SLC36A3: variants seen among roughly 807,000 people sequenced by gnomAD.
The protein encoded by SLC36A3 is proton-coupled amino acid transporter 3.
In SLC36A3, 35 loss-of-function variants were observed where a neutral mutation model predicts 44.3. That is an observed-to-expected ratio of 0.79 (90% CI 0.60 to 1.05). The LOEUF is 1.05. Ranked by LOEUF, SLC36A3 falls within the 50% of genes least tolerant of loss-of-function variation. SLC36A3 has a pLI of 0.00. For missense variants in SLC36A3, 540 were observed against 578.7 expected, an observed-to-expected ratio of 0.93 and a Z score of 0.69; for synonymous variants, 211 against 227.6, an observed-to-expected ratio of 0.93 and a Z score of 0.66.
intron 4 of SLC36A3, among the ~76,000 whole-genome samples, chr5:151,290,568 C>T (rs1754719800): frequency 6.6e-6 from 1 of 152,214 alleles, no homozygotes; most frequent in Non-Finnish European, 1.5e-5. Flanking sequence ...GTATTTGTAG[C>T]AAACCAGAGA....
chr5:151,282,193 T>G (rs1043917447), intron 8 of SLC36A3, among the ~76,000 whole-genome samples: 18 of 147,542 alleles, frequency 1.2e-4, no homozygotes, highest in Non-Finnish European at 2.4e-4. Context: ...TGATCTCACT[T>G]GATCTTAGCC....
intron 8 of SLC36A3, among the ~76,000 whole-genome samples, chr5:151,283,752 A>T (rs10045696): frequency 6.6e-6 from 1 of 152,074 alleles, no homozygotes; most frequent in African/African-American, 2.4e-5. Flanking sequence ...AGCATTATCT[A>T]TGTATTAATC....
At chr5:151,284,359 AT>A in intron 7 of SLC36A3, 149 bp from the exon 8 acceptor site, 1 of 800,292 alleles carries the variant, frequency 1.2e-6, no homozygotes, top group Non-Finnish European at 2.0e-6. Flanking sequence ...CACTCCTTTC[AT>A]TTTCTCTCAT....
chr5:151,285,852 C>T (rs577276526), intron 6 of SLC36A3, among the ~76,000 whole-genome samples: 109 of 152,284 alleles, frequency 7.2e-4, no homozygotes, highest in African/African-American at 2.5e-3. Flanking sequence ...ACACAGACAG[C>T]CTCTACAAAG....
intron 1 of SLC36A3, among the ~76,000 whole-genome samples, chr5:151,299,372 G>GATAT (rs3051898): frequency 0.014 from 1,860 of 136,530 alleles, 33 homozygotes; most frequent in African/African-American, 0.046. Flanking sequence ...TGAGCATGGT[G>GATAT]ATATATATAT....
intron 3 of SLC36A3, among the ~76,000 whole-genome samples, chr5:151,294,778 C>T (rs1344413221): frequency 6.6e-6 from 1 of 151,928 alleles, no homozygotes; most frequent in Non-Finnish European, 1.5e-5. Flanking sequence ...TACAGGCATG[C>T]ACCACCACGC....
chr5:151,292,334 G>A (rs1212531134), intron 4 of SLC36A3, among the ~76,000 whole-genome samples: 1 of 152,196 alleles, frequency 6.6e-6, no homozygotes, highest in Non-Finnish European at 1.5e-5. Context: ...TCCCAAGAGA[G>A]GAGCTGCAAA....
intron 1 of SLC36A3, among the ~76,000 whole-genome samples, chr5:151,300,438 G>C (rs534543529): frequency 1.3e-5 from 2 of 152,314 alleles, no homozygotes; most frequent in Non-Finnish European, 2.9e-5. Context: ...GGCACCCATT[G>C]TCCCTTTACT....
At chr5:151,302,467 A>G (rs546989245) in intron 1 of SLC36A3, among the ~76,000 whole-genome samples, 223 of 151,992 alleles carry the variant, frequency 1.5e-3, no homozygotes, top group Non-Finnish European at 1.8e-3. Context: ...AAACTAACAA[A>G]GGAACAGAAA....
At chr5:151,296,774 C>A (rs769843921) in intron 2 of SLC36A3, 7 of 157,776 alleles carry the variant, frequency 4.4e-5, no homozygotes, top group Non-Finnish European at 8.3e-5. Flanking sequence ...GAGCCTCTAC[C>A]CACTAGGTGT....
At chr5:151,295,039 A>G (rs964775545) in intron 3 of SLC36A3, among the ~76,000 whole-genome samples, 1 of 151,100 alleles carries the variant, frequency 6.6e-6, no homozygotes, top group Non-Finnish European at 1.5e-5. Context: ...CCTCTATATT[A>G]GAAAAAATAA....
At chr5:151,293,137 G>A (rs1754820171) in intron 4 of SLC36A3, among the ~76,000 whole-genome samples, 1 of 152,120 alleles carries the variant, frequency 6.6e-6, no homozygotes, top group Non-Finnish European at 1.5e-5. Context: ...CACATATATT[G>A]ATGTACATGT....
chr5:151,289,572 C>G (rs1016581092), intron 4 of SLC36A3, among the ~76,000 whole-genome samples: 8 of 151,616 alleles, frequency 5.3e-5, no homozygotes, highest in African/African-American at 1.9e-4. Flanking sequence ...AAGTTATTAT[C>G]TGTTAGAGCT....
intron 6 of SLC36A3, 63 bp from the exon 7 acceptor site, chr5:151,284,774 G>A (rs1271083437): frequency 1.5e-6 from 2 of 1,338,032 alleles, no homozygotes; most frequent in South Asian, 1.4e-5. Context: ...CCAAATCTTT[G>A]CCTGGTAGAA....
In SLC36A3 at chr5:151,300,815, C is replaced by T. The variant is rs190293653; in HGVS notation, c.129-2132G>A. On this transcript the variant is annotated intron_variant, in intron 1 of 9. Coordinates refer to ENST00000335230, the MANE Select transcript of SLC36A3 (RefSeq NM_181774.4). ...ATCCCACCAATGGAAAATAACCACA[C>T]ATTATAATTAGCCCTCCTCTGGGCA... is the stretch of plus-strand genomic sequence containing the variant. 3.2e-3 allele frequency among the ~76,000 whole-genome samples: 492 copies of T among 152,318 alleles called. 1 individual carries two copies. The highest frequency in any genetic ancestry group is 4.7e-3 in the Non-Finnish European group (317 of 68,024).
In SLC36A3 at chr5:151,284,144, A is replaced by G. The variant is rs749550594; in HGVS notation, c.874T>C (p.Ser292Pro). Reference sequence around the variant, plus strand: ...AAGATATAGAGGATGATGACAATGGACATCCCCAAGTACAGAACAAAAGAA... The same window carrying G: ...AAGATATAGAGGATGATGACAATGGGCATCCCCAAGTACAGAACAAAAGAA... The part of the protein sequence containing the change: ...QFSFVLYLGM[S>P]IVIILYILLG... The change falls in exon 8 of 10, where the codon TCC becomes CCC. Residue 292 changes from serine (S) to proline (P), a missense_variant. Transcript: ENST00000335230. 6.2e-7 allele frequency: 1 copy of G among 1,614,164 alleles called. No individual in the cohort carries two copies.
At chr5:151,293,583 C>A in intron 3 of SLC36A3, 124 bp from the exon 4 acceptor site, 1 of 756,656 alleles carries the variant, frequency 1.3e-6, no homozygotes, top group South Asian at 2.0e-5. Context: ...AATTTTCTCC[C>A]AGTGATCTAC....
At chr5:151,292,495 T>C (rs1413354302) in intron 4 of SLC36A3, among the ~76,000 whole-genome samples, 1 of 152,184 alleles carries the variant, frequency 6.6e-6, no homozygotes, top group Non-Finnish European at 1.5e-5. Context: ...AGCCTCATAT[T>C]TCCAGGGCAA....
At position 151,277,203 on chromosome 5, in the gene SLC36A3, TA is replaced by T; in HGVS notation, c.*189del. On this transcript the variant is annotated 3_prime_UTR_variant, in exon 10 of 10. Transcript: ENST00000335230. The stretch of plus-strand genomic sequence containing the variant: ...GAGGTACAAAAGGCCATCCAAAAAA[TA>T]TAAAACCAAAAGAGGTGTAGCCTGA... 1.3e-6 allele frequency: 1 copy of T among 764,370 alleles called. No homozygotes were observed. Among genetic ancestry groups the T allele is most frequent in the Non-Finnish European group, 2.0e-6 (1 of 497,342 alleles). 47.3% of individuals were successfully genotyped at this position (764,370 alleles called of 1,614,324 possible). A position where few individuals can be genotyped will look rare whatever the true frequency, so the allele number is the denominator to read the frequency against.
Sources: allele counts gnomAD v4.1 joint callset (sites outside exome capture counted in the v4.1 genomes callset), GRCh38; gene constraint gnomAD v4.1.1; transcripts MANE v1.5; gene names NCBI Gene and HGNC (gene_info 2026-07-23, HGNC 2026-07-21).